Variants in APBB1 observed in about 807,000 individuals in gnomAD.
APBB1 encodes amyloid beta precursor protein binding family B member 1.
APBB1 carries 22 observed loss-of-function variants against 78.4 expected under a neutral mutation model. The ratio of observed to expected loss-of-function variants is 0.28; its 90% confidence interval spans 0.20 to 0.40. The LOEUF (loss-of-function observed/expected upper bound fraction) is 0.40, where lower values mean the gene tolerates loss of function less well. Ranked by LOEUF, APBB1 falls within the 10% of genes least tolerant of loss-of-function variation. APBB1 has a pLI of 1.00. For missense variants in APBB1, 749 were observed against 932.4 expected, an observed-to-expected ratio of 0.80 and a Z score of 2.56; for synonymous variants, 369 against 372.7, an observed-to-expected ratio of 0.99 and a Z score of 0.12.
At chr11:6,416,273 C>T (rs1390975116) in intron 1 of APBB1, among the ~76,000 whole-genome samples, 1 of 152,188 alleles carries the variant, frequency 6.6e-6, no homozygotes, top group Non-Finnish European at 1.5e-5. Context: ...GCTCATCTTC[C>T]TCTATTAGCC....
At chr11:6,415,230 G>C (rs1357271113) in intron 1 of APBB1, among the ~76,000 whole-genome samples, 1 of 152,232 alleles carries the variant, frequency 6.6e-6, no homozygotes, top group Non-Finnish European at 1.5e-5. Flanking sequence ...TTGGGCAGGG[G>C]CCTCGGGGCA....
At chr11:6,404,880 C>T (rs1269529886) in intron 2 of APBB1, 19 of 1,515,836 alleles carry the variant, frequency 1.3e-5, no homozygotes, top group Non-Finnish European at 1.7e-5. Context: ...CAGCCTGGTG[C>T]TGGGCTGCAG....
chr11:6,403,174 G>T lies in APBB1; in HGVS notation c.1075C>A (p.Pro359Thr). ...EPLPQEEEKL[P>T]PRNTNPGIKC... Reference sequence around the variant, plus strand: ...ATCCCTGGGTTGGTATTCCGTGGGGGAAGCTTCTCCTCCTCTTGGGGCAAC... The same window carrying T: ...ATCCCTGGGTTGGTATTCCGTGGGGTAAGCTTCTCCTCCTCTTGGGGCAAC... Residue 359 changes from proline (P) to threonine (T), a missense_variant, in exon 6 of 15, where the codon CCC becomes ACC. By Grantham distance (38) the Pro-to-Thr change is conservative. Around this residue, in one of 3 missense-constraint regions of APBB1, gnomAD observed 635 missense variants for 765.0 expected, o/e 0.83. Transcript: ENST00000609360. This position sits in a 1 kb window ranked among gnomAD's most constrained non-coding sequence, Gnocchi z 5.3. 1 of 1,613,370 alleles carries T rather than the reference G, an allele frequency of 6.2e-7. No homozygotes were observed. The highest frequency in any genetic ancestry group is 8.5e-7 in the Non-Finnish European group (1 of 1,179,722).
intron 12 of APBB1, among the ~76,000 whole-genome samples, chr11:6,398,222 C>CT (rs368754901): frequency 0.01 from 1,494 of 148,932 alleles, 19 homozygotes; most frequent in East Asian, 0.035. Context: ...CTTTTCTCTT[C>CT]TTTTTTTTTT....
intron 12 of APBB1, among the ~76,000 whole-genome samples, chr11:6,400,370 C>T (rs992368089): frequency 3.9e-5 from 6 of 152,010 alleles, no homozygotes; most frequent in African/African-American, 7.3e-5. Flanking sequence ...AGTGAAACCC[C>T]GTCTCCACTA....
intron 2 of APBB1, among the ~76,000 whole-genome samples, chr11:6,408,996 T>G (rs756737219): frequency 5.3e-5 from 8 of 152,084 alleles, no homozygotes; most frequent in Non-Finnish European, 1.2e-4. Context: ...ATTATTAAAT[T>G]TTTGTAGGTA....
Position 6,403,292 on chromosome 11 carries a change from G to A in APBB1, c.1040+27C>T, listed in dbSNP as rs1848627955. On this transcript the variant is annotated intron_variant, in intron 5 of 14. Transcript: ENST00000609360. This position sits in a 1 kb window ranked among gnomAD's most constrained non-coding sequence, Gnocchi z 5.3. Reference sequence around the variant, plus strand: ...CCCTTCCAGACAGATCCATCCCACTGCCAGCTCACTGCATCTGGCAGCTCA... The same window carrying A: ...CCCTTCCAGACAGATCCATCCCACTACCAGCTCACTGCATCTGGCAGCTCA... The A allele has an allele frequency of 6.2e-7, 1 of 1,613,202 alleles. No homozygotes were observed. The highest frequency in any genetic ancestry group is 1.7e-4 in the Middle Eastern group (1 of 6,058).
intron 12 of APBB1, among the ~76,000 whole-genome samples, chr11:6,398,564 A>G (rs1332011779): frequency 6.6e-6 from 1 of 152,214 alleles, no homozygotes; most frequent in Non-Finnish European, 1.5e-5. Context: ...GGAGGACCAG[A>G]GTCAAGTGGT....
At chr11:6,399,932 A>G (rs964564253) in intron 12 of APBB1, among the ~76,000 whole-genome samples, 13 of 137,218 alleles carry the variant, frequency 9.5e-5, no homozygotes, top group Non-Finnish European at 1.8e-4. Context: ...ATTCACTTCT[A>G]CTTATTTTTT....
intron 2 of APBB1, among the ~76,000 whole-genome samples, chr11:6,410,306 T>C (rs1385115024): frequency 2.0e-5 from 3 of 152,188 alleles, no homozygotes; most frequent in Non-Finnish European, 4.4e-5. Context: ...TCATAATATT[T>C]ACCTCACAGC....
chr11:6,414,528 G>A (rs1176124493), intron 1 of APBB1, among the ~76,000 whole-genome samples: 1 of 152,184 alleles, frequency 6.6e-6, no homozygotes, highest in Non-Finnish European at 1.5e-5. Context: ...GGGGTGGGAG[G>A]ATCCAGGAAG....
rs1225668308 is a variant in APBB1, at chr11:6,395,951, C to G, written c.1800G>C (p.Val600=). Residue 600 remains valine, a synonymous_variant, in exon 14 of 15, where the codon GTG becomes GTC. Transcript: ENST00000609360. The surrounding 1 kb of genome is among the most constrained non-coding windows in gnomAD (Gnocchi z 5.2). ...LTILHQQTEA[V]LGECRVRFLS... ...GGAAACGCACCCGACACTCTCCCAG[C>G]ACTGCCTCTGTCTGCATGGAGGGAA... The G allele has an allele frequency of 6.2e-7, 1 of 1,613,788 alleles. No individual in the cohort carries two copies. The highest frequency in any genetic ancestry group is 1.3e-5 in the African/African-American group (1 of 74,920).
chr11:6,412,689 G>A (rs1849001290), intron 1 of APBB1, among the ~76,000 whole-genome samples: 1 of 152,140 alleles, frequency 6.6e-6, no homozygotes, highest in African/African-American at 2.4e-5. Flanking sequence ...AATACAGTAT[G>A]CCTAGTGCCT....
intron 1 of APBB1, among the ~76,000 whole-genome samples, chr11:6,413,078 G>A (rs1001912619): frequency 3.3e-5 from 5 of 150,902 alleles, no homozygotes; most frequent in African/African-American, 7.3e-5. Context: ...TCTCCTTCCC[G>A]GACCCCCAAG....
chr11:6,407,100 T>C (rs771096811), intron 2 of APBB1, among the ~76,000 whole-genome samples: 6 of 152,220 alleles, frequency 3.9e-5, no homozygotes, highest in Non-Finnish European at 7.3e-5. Context: ...AAGGAGAATA[T>C]AATTTTTGCT....
chr11:6,396,318 C>T, intron 12 of APBB1, 103 bp from the exon 13 acceptor site: 7 of 994,504 alleles, frequency 7.0e-6, no homozygotes, highest in Non-Finnish European at 1.0e-5. Flanking sequence ...GCCTTTGCCC[C>T]ATCCCCACTT....
Position 6,402,146 on chromosome 11 carries a change from C to T in APBB1, c.1318G>A (p.Ala440Thr). 6.2e-7 allele frequency: 1 copy of T among 1,614,126 alleles called. No homozygotes were observed. Among genetic ancestry groups the T allele is most frequent in the Non-Finnish European group, 8.5e-7 (1 of 1,180,032 alleles). Residue 440 changes from alanine to threonine, a missense_variant, in exon 8 of 15, where the codon GCA (alanine) becomes ACA (threonine). By Grantham distance (58) the Ala-to-Thr change is moderately conservative. This residue lies in a region of APBB1 where 635 missense variants were observed against 765.0 expected (regional missense o/e 0.83). Coordinates refer to ENST00000609360, the MANE Select transcript of APBB1 (RefSeq NM_001164.5). ...ATGATGGGTTGGGCGTGCAGCAGTG[C>T]CTGGCTCTGTGGCTCCACTAGCTTT... is the stretch of plus-strand genomic sequence containing the variant. Reference protein sequence around the residue: ...TLKLVEPQSQALLHAQPIISI... With the variant: ...TLKLVEPQSQTLLHAQPIISI...
At position 6,403,348 on chromosome 11, in the gene APBB1, C is replaced by G; in HGVS notation, c.1011G>C (p.Gly337=). The change falls in exon 5 of 15, where the codon GGG becomes GGC. Residue 337 remains glycine (G), a synonymous_variant. Transcript: ENST00000609360. The surrounding 1 kb of genome is among the most constrained non-coding windows in gnomAD (Gnocchi z 5.3). ...MELGLKEPEE[G]TLTFPAQSLS... ...GGCTCTGAGCTGGGAAGGTCAACGT[C>G]CCCTCCTCAGGTTCCTTCAGTCCCA... 6.2e-7 allele frequency: 1 copy of G among 1,614,182 alleles called. No homozygotes were observed. Among genetic ancestry groups the G allele is most frequent in the Non-Finnish European group, 8.5e-7 (1 of 1,180,024 alleles).
intron 2 of APBB1, chr11:6,404,464 T>A (rs777490198): frequency 6.1e-6 from 6 of 978,420 alleles, no homozygotes; most frequent in Non-Finnish European, 7.6e-6. Flanking sequence ...CACGTGTGGG[T>A]ACCACACACA....
Sources: gnomAD v4.1 joint callset for allele counts (sites outside exome capture counted in the v4.1 genomes callset) on GRCh38, gnomAD v4.1.1 for gene constraint, gnomAD v4.1.1 regional missense constraint, Gnocchi (gnomAD v3.1) non-coding constraint, MANE v1.5 for transcripts, NCBI Gene and HGNC (gene_info 2026-07-23, HGNC 2026-07-21) for gene names.